RPL37: variants seen among roughly 807,000 people sequenced by gnomAD.
The protein encoded by RPL37 is large ribosomal subunit protein eL37.
Under a neutral mutation model 14.8 loss-of-function variants are expected in RPL37, and 1 was observed. That is an observed-to-expected ratio of 0.07 (90% CI 0.02 to 0.32). The LOEUF (loss-of-function observed/expected upper bound fraction) is 0.32. Ranked by LOEUF, RPL37 falls within the 10% of genes least tolerant of loss-of-function variation. The pLI, the probability that RPL37 is intolerant of heterozygous loss-of-function variation, is 1.00. For synonymous variants in RPL37, 53 were observed against 45.8 expected, an observed-to-expected ratio of 1.16 and a Z score of -0.63; for missense variants, 100 against 128.3, an observed-to-expected ratio of 0.78 and a Z score of 1.06.
intron 2 of RPL37, 54 bp from the exon 3 acceptor site, chr5:40,834,319 A>G (rs1745714285): frequency 1.3e-6 from 2 of 1,575,172 alleles, no homozygotes; most frequent in Non-Finnish European, 1.7e-6. Context: ...CACACCTTGT[A>G]GGTGTTGTTA....
rs770111750 is a variant in RPL37 at position 40,832,523 on chromosome 5, G to T, written c.275C>A (p.Ala92Glu). Residue 92 changes from alanine (A) to glutamate (E), a missense_variant, in exon 4 of 4, where the codon GCA (alanine) becomes GAA (glutamate). Physicochemically the swap from Ala to Glu is moderately radical, Grantham distance 107 (BLOSUM62 -1). Transcript: ENST00000274242. ...TTPKPKRAAV[A>E]ASSSS ...ACATTCTTAAGATGAACTGGATGCT[G>T]CAACAGCTGCCCTCTTGGGTTTAGG... 8.7e-6 allele frequency: 14 copies of T among 1,613,558 alleles called. No individual in the cohort carries two copies. The highest frequency in any genetic ancestry group is 4.0e-5 in the African/African-American group (3 of 74,910).
chr5:40,834,638 C>A lies in RPL37; in HGVS notation c.4-32G>T, dbSNP rs748249432. The A allele has an allele frequency of 3.2e-6, 5 of 1,570,492 alleles. No individual in the cohort carries two copies. In the Admixed American group the frequency reaches 1.0e-4, roughly 32 times the overall value. On this transcript the variant is annotated intron_variant, in intron 1 of 3. Transcript: ENST00000274242. ...ATTAAAGGAATAAATAGTTCTGAAA[C>A]CTGGCAACTTCTAGATTTACTCGAG...
rs1489201469 is a variant in RPL37, at chr5:40,829,660, A to G, written c.*2844T>C. The G allele has an allele frequency of 1.3e-5, 1 of 75,484 alleles. No homozygotes were observed. Among genetic ancestry groups the G allele is most frequent in the Non-Finnish European group, 2.6e-5 (1 of 37,900 alleles). The allele number at this position is 75,484 out of a possible 1,614,324, so 4.7% of individuals were successfully genotyped here. On this transcript the variant is annotated 3_prime_UTR_variant, in exon 4 of 4. Transcript: ENST00000274242. ...AGAAACTCATGCATTTATCCATCAT[A>G]GTGTGTGTGTGTGTGTGTATATATA...
chr5:40,832,425 G>T lies in RPL37; in HGVS notation c.*79C>A. The T allele has an allele frequency of 8.2e-7, 1 of 1,221,566 alleles. No individual in the cohort carries two copies. The highest frequency in any genetic ancestry group is 1.2e-6 in the Non-Finnish European group (1 of 824,506). 75.7% of individuals were successfully genotyped at this position (1,221,566 alleles called of 1,614,324 possible). A position where few individuals can be genotyped will look rare whatever the true frequency, so the allele number is the denominator to read the frequency against. Reference sequence around the variant, plus strand: ...TTTCACTGATACTACAAGCCTAATTGATTAAAAATACCTTACCAAAACCAG... The same window carrying T: ...TTTCACTGATACTACAAGCCTAATTTATTAAAAATACCTTACCAAAACCAG... On this transcript the variant is annotated 3_prime_UTR_variant, in exon 4 of 4. Coordinates refer to ENST00000274242, the MANE Select transcript of RPL37 (RefSeq NM_000997.5).
rs553826557 is a variant in RPL37, at chr5:40,832,316, C to G, written c.*188G>C. On this transcript the variant is annotated 3_prime_UTR_variant, in exon 4 of 4. Coordinates refer to ENST00000274242, the MANE Select transcript of RPL37 (RefSeq NM_000997.5). ...TCATTGCCTTTAACCGTGTTACAAACCCAGTCCAAAAGTAAACATTCCAAA... is the reference window on the plus strand; with the variant it reads ...TCATTGCCTTTAACCGTGTTACAAAGCCAGTCCAAAAGTAAACATTCCAAA... 2.8e-5 allele frequency: 18 copies of G among 632,670 alleles called. No homozygotes were observed. The highest frequency in any genetic ancestry group is 4.7e-5 in the Non-Finnish European group (16 of 343,174). 39.2% of individuals were successfully genotyped at this position (632,670 alleles called of 1,614,324 possible). A position where few individuals can be genotyped will look rare whatever the true frequency, so the allele number is the denominator to read the frequency against.
intron 1 of RPL37, 49 bp from the exon 2 acceptor site, chr5:40,834,655 T>A (rs773421325): frequency 1.3e-6 from 2 of 1,543,490 alleles, no homozygotes; most frequent in East Asian, 2.3e-5. Flanking sequence ...ACTTCTAGAT[T>A]TACTCGAGTT....
rs1360558960 is a variant in RPL37 at position 40,825,989 on chromosome 5, G to GT, written c.*6514dup. The GT allele has an allele frequency of 9.9e-5, 15 of 152,230 alleles. No individual in the cohort carries two copies. Among genetic ancestry groups the GT allele is most frequent in the Non-Finnish European group, 1.5e-4 (10 of 68,070 alleles). 9.4% of individuals were successfully genotyped at this position (152,230 alleles called of 1,614,324 possible). ...TCCCAAGGCGTGTGGGATTACAGAT[G>GT]TGAGCCTCCGCACCCGGCCGCTCCT... On this transcript the variant is annotated 3_prime_UTR_variant, in exon 4 of 4. Transcript: ENST00000274242.
Position 40,831,678 on chromosome 5 carries a change from A to AT in RPL37, c.*825_*826insA, listed in dbSNP as rs1320869154. ...GTCCCTTCATTTTAAAAAAACAAAA[A>AT]AAACCCCCAACCCTGTCAATAAACC... On this transcript the variant is annotated 3_prime_UTR_variant, in exon 4 of 4. Coordinates refer to ENST00000274242, the MANE Select transcript of RPL37 (RefSeq NM_000997.5). 6.6e-6 allele frequency: 1 copy of AT among 152,274 alleles called. No individual in the cohort carries two copies. The highest frequency in any genetic ancestry group is 1.5e-5 in the Non-Finnish European group (1 of 68,034). 9.4% of individuals were successfully genotyped at this position (152,274 alleles called of 1,614,324 possible). A position where few individuals can be genotyped will look rare whatever the true frequency, so the allele number is the denominator to read the frequency against.
chr5:40,833,593 G>A (rs1363626854), intron 3 of RPL37, among the ~76,000 whole-genome samples: 1 of 152,148 alleles, frequency 6.6e-6, no homozygotes, highest in Non-Finnish European at 1.5e-5. Flanking sequence ...CTTGCCCACA[G>A]CCACTATACT....
At position 40,832,253 on chromosome 5, in the gene RPL37, C is replaced by T. The variant is rs927498625; in HGVS notation, c.*251G>A. The T allele has an allele frequency of 4.3e-5, 21 of 487,070 alleles. No homozygotes were observed. Among genetic ancestry groups the T allele is most frequent in the African/African-American group, 3.5e-4 (18 of 51,274 alleles). 30.2% of individuals were successfully genotyped at this position (487,070 alleles called of 1,614,324 possible). A position where few individuals can be genotyped will look rare whatever the true frequency, so the allele number is the denominator to read the frequency against. On this transcript the variant is annotated 3_prime_UTR_variant, in exon 4 of 4. Transcript: ENST00000274242. ...TAATCTGCTATATTGTCTTCCAGTG[C>T]CCTCTGCTTCAAGGACTCCTGGAAT...
chr5:40,834,155 A>G (rs761732339), intron 3 of RPL37, 26 bp downstream of exon 3: 3 of 1,545,496 alleles, frequency 1.9e-6, no homozygotes, highest in Admixed American at 1.7e-5. Context: ...CACTGGACCA[A>G]TTATGATCGA....
In RPL37 at chr5:40,829,308, T is replaced by C. The variant is rs1452285907; in HGVS notation, c.*3196A>G. Reference sequence around the variant, plus strand: ...CACATGCACACTAACACTTTCCACATTCATCTTGCTAGAATAACTATTCCT... The same window carrying C: ...CACATGCACACTAACACTTTCCACACTCATCTTGCTAGAATAACTATTCCT... On this transcript the variant is annotated 3_prime_UTR_variant, in exon 4 of 4. Coordinates refer to ENST00000274242, the MANE Select transcript of RPL37 (RefSeq NM_000997.5). 2.0e-5 allele frequency: 3 copies of C among 152,224 alleles called. No individual in the cohort carries two copies. The highest frequency in any genetic ancestry group is 4.8e-5 in the African/African-American group (2 of 41,458). The allele number at this position is 152,224 out of a possible 1,614,324, so 9.4% of individuals were successfully genotyped here.
intron 3 of RPL37, among the ~76,000 whole-genome samples, chr5:40,833,135 G>A (rs1158336989): frequency 6.6e-6 from 1 of 152,096 alleles, no homozygotes; most frequent in Non-Finnish European, 1.5e-5. Context: ...CCACAAAAAC[G>A]TTATGACCCT....
Position 40,828,708 on chromosome 5 carries a change from T to C in RPL37, c.*3796A>G, listed in dbSNP as rs913891133. 1 of 152,174 alleles carries C rather than the reference T, an allele frequency of 6.6e-6. No individual in the cohort carries two copies. The highest frequency in any genetic ancestry group is 2.4e-5 in the African/African-American group (1 of 41,442). 9.4% of individuals were successfully genotyped at this position (152,174 alleles called of 1,614,324 possible). On this transcript the variant is annotated 3_prime_UTR_variant, in exon 4 of 4. Coordinates refer to ENST00000274242, the MANE Select transcript of RPL37 (RefSeq NM_000997.5). Reference sequence around the variant, plus strand: ...TTGGCCTCAGCCACATGTGACTGAGTGCCCCCCTCAAACAATCCCCTTCCT... The same window carrying C: ...TTGGCCTCAGCCACATGTGACTGAGCGCCCCCCTCAAACAATCCCCTTCCT...
rs1745609577 is a variant in RPL37, at chr5:40,830,042, T to C, written c.*2462A>G. ...ATAACCAGTTACATGTGGAAACAGG[T>C]AGTCTGCTTTGACAGCTGGGGGCAA... On this transcript the variant is annotated 3_prime_UTR_variant, in exon 4 of 4. Transcript: ENST00000274242. The C allele has an allele frequency of 1.3e-5, 2 of 152,066 alleles. No homozygotes were observed. The highest frequency in any genetic ancestry group is 6.6e-5 in the Admixed American group (1 of 15,252). 9.4% of individuals were successfully genotyped at this position (152,066 alleles called of 1,614,324 possible). A position where few individuals can be genotyped will look rare whatever the true frequency, so the allele number is the denominator to read the frequency against.
chr5:40,827,549 C>G lies in RPL37; in HGVS notation c.*4955G>C, dbSNP rs192044170. The G allele has an allele frequency of 1.3e-5, 2 of 152,148 alleles. No homozygotes were observed. The highest frequency in any genetic ancestry group is 1.3e-4 in the Admixed American group (2 of 15,266). The allele number at this position is 152,148 out of a possible 1,614,324, so 9.4% of individuals were successfully genotyped here. ...AGGTCAAGTCTTCATCCTGGGGCAC[C>G]AGGGTATACTCCCACCGTATAAAGA... is the stretch of plus-strand genomic sequence containing the variant. On this transcript the variant is annotated 3_prime_UTR_variant, in exon 4 of 4. Transcript: ENST00000274242.
chr5:40,834,580 C>T lies in RPL37; in HGVS notation c.30G>A (p.Lys10=). The T allele has an allele frequency of 1.2e-6, 2 of 1,613,668 alleles. No homozygotes were observed. The highest frequency in any genetic ancestry group is 1.3e-5 in the African/African-American group (1 of 75,008). Reference sequence around the variant, plus strand: ...ACAACGTGTGCGTCTTATTGCGACGCTTTCCAAACGATGACGTTCCCTTCG... The same window carrying T: ...ACAACGTGTGCGTCTTATTGCGACGTTTTCCAAACGATGACGTTCCCTTCG... The part of the protein sequence containing the change: MTKGTSSFG[K]RRNKTHTLCR... Residue 10 remains lysine (K), a synonymous_variant, in exon 2 of 4, where the codon AAG becomes AAA. Transcript: ENST00000274242.
At chr5:40,832,901 G>T (rs759406063) in intron 3 of RPL37, among the ~76,000 whole-genome samples, 1 of 152,170 alleles carries the variant, frequency 6.6e-6, no homozygotes, top group Non-Finnish European at 1.5e-5. Flanking sequence ...CCTATACTGA[G>T]AATAGATCCC....
In RPL37 at chr5:40,834,204, T is replaced by C. The variant is rs1168647828; in HGVS notation, c.201A>G (p.Leu67=). The C allele has an allele frequency of 6.2e-7, 1 of 1,613,916 alleles. No homozygotes were observed. Among genetic ancestry groups the C allele is most frequent in the East Asian group, 2.2e-5 (1 of 44,902 alleles). Reference sequence around the variant, plus strand: ...ACCTGAATCTGCGGTATACAATTTTTAGGTGCCTCATTCGACCAGTTCCGG... The same window carrying C: ...ACCTGAATCTGCGGTATACAATTTTCAGGTGCCTCATTCGACCAGTTCCGG... The part of the protein sequence containing the change: ...NTTGTGRMRH[L]KIVYRRFRHG... Residue 67 remains leucine (L), a synonymous_variant, in exon 3 of 4, where the codon CTA becomes CTG. Transcript: ENST00000274242.
Sources: gnomAD v4.1 joint callset for allele counts (sites outside exome capture counted in the v4.1 genomes callset) on GRCh38, gnomAD v4.1.1 for gene constraint, MANE v1.5 for transcripts, NCBI Gene and HGNC (gene_info 2026-07-23, HGNC 2026-07-21) for gene names.